The following SH3RF3 variants were observed in gnomAD, a reference collection of about 807,000 sequenced individuals.
SH3RF3 encodes E3 ubiquitin-protein ligase SH3RF3.
SH3RF3 carries 29 observed loss-of-function variants against 66.3 expected under a neutral mutation model. That is an observed-to-expected ratio of 0.44 (90% CI 0.33 to 0.60). SH3RF3 has a LOEUF of 0.60. Among genes scored for constraint, SH3RF3 ranks in the 20% least tolerant of loss-of-function variants. The pLI, the probability that SH3RF3 is intolerant of heterozygous loss-of-function variation, is 0.04. For missense variants in SH3RF3, 1,194 were observed against 1,190.9 expected (o/e 1.00, Z -0.04); for synonymous variants, 583 against 532.0 (o/e 1.10, Z -1.32).
intron 9 of SH3RF3, among the ~76,000 whole-genome samples, chr2:109,492,007 G>GC (rs1427482986): frequency 6.6e-6 from 1 of 152,072 alleles, no homozygotes; most frequent in Admixed American, 6.5e-5. Context: ...TAGTTTTCTA[G>GC]CTTCACAGGT....
chr2:109,459,661 C>A (rs1678161572), intron 8 of SH3RF3, among the ~76,000 whole-genome samples: 1 of 152,122 alleles, frequency 6.6e-6, no homozygotes, highest in South Asian at 2.1e-4. Flanking sequence ...CCCGTTCCTG[C>A]CTTTGATTCT....
At chr2:109,246,782 G>A (rs1679928049) in intron 1 of SH3RF3, among the ~76,000 whole-genome samples, 1 of 152,336 alleles carries the variant, frequency 6.6e-6, no homozygotes, top group Non-Finnish European at 1.5e-5. Flanking sequence ...GGAGAGCCTC[G>A]CTTGCTCTGA....
chr2:109,129,711 C>A lies in SH3RF3; in HGVS notation c.171C>A (p.Cys57Ter). 1 of 1,536,902 alleles carries A rather than the reference C, an allele frequency of 6.5e-7. No individual in the cohort carries two copies. The stretch of plus-strand genomic sequence containing the variant: ...CGTCGCTGCTGGACCTGCTGGAGTG[C>A]TCCGTGTGTCTGGAGCGCCTGGACA... ...DESSLLDLLE[C>*]SVCLERLDTT... is the part of the protein sequence containing the mutation. Residue 57 changes from cysteine (C) to a stop codon, truncating the protein, a stop_gained, in exon 1 of 10, where the codon TGC becomes TGA. Transcript: ENST00000309415. LOFTEE classifies it high-confidence loss of function.
chr2:109,225,755 C>G (rs1203505588), intron 1 of SH3RF3, among the ~76,000 whole-genome samples: 1 of 152,186 alleles, frequency 6.6e-6, no homozygotes, highest in Non-Finnish European at 1.5e-5. Flanking sequence ...AAGTTAGTTT[C>G]AAGTTTGCTT....
chr2:109,501,114 G>C (rs560149755), intron 9 of SH3RF3, among the ~76,000 whole-genome samples: 2 of 152,128 alleles, frequency 1.3e-5, no homozygotes, highest in African/African-American at 2.4e-5. Flanking sequence ...ACTGGGATGG[G>C]GCAAATGGGG....
chr2:109,261,294 C>G (rs1226293766), intron 1 of SH3RF3, among the ~76,000 whole-genome samples: 1 of 152,182 alleles, frequency 6.6e-6, no homozygotes, highest in East Asian at 1.9e-4. Context: ...GTCCCCTCCC[C>G]AGGGCTCCAG....
chr2:109,188,167 C>G (rs1010462710), intron 1 of SH3RF3, among the ~76,000 whole-genome samples: 1 of 152,240 alleles, frequency 6.6e-6, no homozygotes, highest in Non-Finnish European at 1.5e-5. Flanking sequence ...TATTGACTTC[C>G]CAAGAACCAG....
chr2:109,369,975 A>G (rs1240020918), intron 2 of SH3RF3, among the ~76,000 whole-genome samples: 1 of 152,220 alleles, frequency 6.6e-6, no homozygotes, highest in African/African-American at 2.4e-5. Context: ...CCATGAGGCC[A>G]TCTCTTGGCC....
At chr2:109,347,557 G>A (rs1682738575) in intron 1 of SH3RF3, 117 bp from the exon 2 acceptor site, 8 of 1,386,632 alleles carry the variant, frequency 5.8e-6, no homozygotes, top group Admixed American at 2.6e-5. Context: ...GGGGCACTCT[G>A]TATGCACCCC....
chr2:109,298,627 A>G (rs1179208897), intron 1 of SH3RF3, among the ~76,000 whole-genome samples: 1 of 151,982 alleles, frequency 6.6e-6, no homozygotes, highest in Non-Finnish European at 1.5e-5. Flanking sequence ...GTGTCAGTCA[A>G]ATGCTCCTCG....
chr2:109,349,578 C>G (rs1331272243), intron 2 of SH3RF3, among the ~76,000 whole-genome samples: 1 of 152,202 alleles, frequency 6.6e-6, no homozygotes, highest in African/African-American at 2.4e-5. Context: ...CCTCTGAACT[C>G]TCAGGGTCCG....
At chr2:109,343,842 T>G (rs1682617855) in intron 1 of SH3RF3, among the ~76,000 whole-genome samples, 1 of 151,678 alleles carries the variant, frequency 6.6e-6, no homozygotes, top group African/African-American at 2.4e-5. Context: ...ACTCCCAGGC[T>G]CACTCAGTTT....
chr2:109,167,576 T>G (rs1191733169), intron 1 of SH3RF3, among the ~76,000 whole-genome samples: 1 of 152,160 alleles, frequency 6.6e-6, no homozygotes, highest in Non-Finnish European at 1.5e-5. Flanking sequence ...ATTTATTTAT[T>G]TAGTTGTTTA....
intron 6 of SH3RF3, 69 bp from the exon 7 acceptor site, chr2:109,436,824 G>T: frequency 6.4e-7 from 1 of 1,551,704 alleles, no homozygotes; most frequent in Non-Finnish European, 8.7e-7. Context: ...GCGAGGCTCT[G>T]CCAGAGGCCC....
chr2:109,297,761 G>C (rs1311225349), intron 1 of SH3RF3, among the ~76,000 whole-genome samples: 1 of 150,628 alleles, frequency 6.6e-6, no homozygotes, highest in Non-Finnish European at 1.5e-5. Context: ...TATCCAGTCA[G>C]TGCCTCCCAC....
intron 1 of SH3RF3, among the ~76,000 whole-genome samples, chr2:109,167,142 G>A (rs1401733858): frequency 6.6e-6 from 1 of 152,164 alleles, no homozygotes; most frequent in African/African-American, 2.4e-5. Context: ...TTTATGATAT[G>A]GTTCCTGGCA....
rs200700571 is a variant in SH3RF3, at chr2:109,188,613, A to G, written c.573+58500A>G. 3.3e-4 allele frequency among the ~76,000 whole-genome samples: 51 copies of G among 152,256 alleles called. No homozygotes were observed. In the East Asian group the frequency reaches 7.3e-3, roughly 22 times the overall value. ...TCCCCTCTCCGGCAGCAGTTTGCCTATGGTGAGGGTGCAGTCATCCACCTG... is the reference window on the plus strand; with the variant it reads ...TCCCCTCTCCGGCAGCAGTTTGCCTGTGGTGAGGGTGCAGTCATCCACCTG... On this transcript the variant is annotated intron_variant, in intron 1 of 9. Transcript: ENST00000309415.
chr2:109,234,605 G>GT (rs1323514830), intron 1 of SH3RF3, among the ~76,000 whole-genome samples: 1 of 152,212 alleles, frequency 6.6e-6, no homozygotes, highest in African/African-American at 2.4e-5. Flanking sequence ...AACAATAAAT[G>GT]TTTGTTTCTC....
rs1300314541 is a variant in SH3RF3 at position 109,249,548 on chromosome 2, C to T, written c.574-98126C>T. ...CTTTCTTTCTTTCCTTCCTTCCTTC[C>T]TTCCTTCCTTCCTTCCTTCCTTCCT... On this transcript the variant is annotated intron_variant, in intron 1 of 9. Coordinates refer to ENST00000309415, the MANE Select transcript of SH3RF3 (RefSeq NM_001099289.3). Among the ~76,000 whole-genome samples, 229 of 110,978 alleles carry T rather than the reference C, an allele frequency of 2.1e-3. 1 individual carries two copies. The highest frequency in any genetic ancestry group is 3.9e-3 in the South Asian group (14 of 3,608). The allele number at this position is 110,978 out of a possible 152,430, so 72.8% of individuals were successfully genotyped here.
Sources: gnomAD v4.1 joint callset for allele counts (sites outside exome capture counted in the v4.1 genomes callset) on GRCh38, gnomAD v4.1.1 for gene constraint, MANE v1.5 for transcripts, NCBI Gene and HGNC (gene_info 2026-07-23, HGNC 2026-07-21) for gene names.